The following KIAA1671 variants were observed in gnomAD, a reference collection of about 807,000 sequenced individuals.
KIAA1671 encodes KIAA1671, also known as uncharacterized protein KIAA1671.
KIAA1671 carries 52 observed loss-of-function variants against 131.2 expected under a neutral mutation model. The ratio of observed to expected loss-of-function variants is 0.40; its 90% CI spans 0.32 to 0.50. The LOEUF (loss-of-function observed/expected upper bound fraction) is 0.50, where lower values mean the gene tolerates loss of function less well. KIAA1671 is among the 20% of genes least tolerant of loss of function. The pLI is 0.73. For missense variants in KIAA1671, 2,360 were observed against 2,364.2 expected, an observed-to-expected ratio of 1.00 and a Z score of 0.04; for synonymous variants, 1,003 against 961.6, an observed-to-expected ratio of 1.04 and a Z score of -0.80.
chr22:25,138,275 C>T (rs1932753150), intron 6 of KIAA1671, among the ~76,000 whole-genome samples: 1 of 152,180 alleles, frequency 6.6e-6, no homozygotes, highest in South Asian at 2.1e-4. Flanking sequence ...GGAAGGAGAT[C>T]ATGGCCAACC....
At chr22:25,045,968 T>C (rs1042360587) in intron 5 of KIAA1671, among the ~76,000 whole-genome samples, 2 of 152,032 alleles carry the variant, frequency 1.3e-5, no homozygotes, top group Non-Finnish European at 2.9e-5. Context: ...AGACTCTCAT[T>C]GATGGGTATT....
chr22:25,078,661 A>G (rs1327157691), intron 6 of KIAA1671, among the ~76,000 whole-genome samples: 1 of 152,334 alleles, frequency 6.6e-6, no homozygotes, highest in South Asian at 2.1e-4. Context: ...GTAAGCAATT[A>G]CTGTTACCAG....
In KIAA1671 at chr22:25,041,206, G is replaced by A. The variant is rs761045180; in HGVS notation, c.4076G>A (p.Gly1359Glu). The A allele has an allele frequency of 9.6e-4, 1,483 of 1,551,788 alleles. 1 individual carries two copies. The highest frequency in any genetic ancestry group is 1.2e-3 in the Non-Finnish European group (1,394 of 1,147,018). Residue 1359 changes from glycine to glutamate, a missense_variant, in exon 5 of 13, where the codon GGG (glycine) becomes GAG (glutamate). By Grantham distance (98) the Gly-to-Glu change is moderately conservative. Transcript: ENST00000358431. ...TCTGGTCGGGAGGATCCAGGCAGTGGGGTCAGGGTGTCACCCAAATCGCCC... is the reference window on the plus strand; with the variant it reads ...TCTGGTCGGGAGGATCCAGGCAGTGAGGTCAGGGTGTCACCCAAATCGCCC... ...KPSGREDPGSGVRVSPKSPPT... is the reference protein window; with the variant it reads ...KPSGREDPGSEVRVSPKSPPT...
intron 6 of KIAA1671, among the ~76,000 whole-genome samples, chr22:25,093,759 TCTCTCTCTG>T (rs1930198869): frequency 8.5e-6 from 1 of 117,480 alleles, no homozygotes; most frequent in African/African-American, 3.4e-5. Context: ...TCTCTCTCTC[TCTCTCTCTG>T]TCTCTCTCTC....
chr22:25,170,406 G>T (rs2146012128), intron 6 of KIAA1671, among the ~76,000 whole-genome samples: 1 of 152,302 alleles, frequency 6.6e-6, no homozygotes, highest in South Asian at 2.1e-4. Flanking sequence ...ACACGGTGGT[G>T]GTAGGAACCT....
At chr22:25,113,753 C>G (rs1931511519) in intron 6 of KIAA1671, among the ~76,000 whole-genome samples, 1 of 152,218 alleles carries the variant, frequency 6.6e-6, no homozygotes, top group Non-Finnish European at 1.5e-5. Context: ...TGGCCCAGAA[C>G]AAATTAGTGG....
At chr22:25,046,879 A>G (rs921966492) in intron 5 of KIAA1671, among the ~76,000 whole-genome samples, 2 of 151,948 alleles carry the variant, frequency 1.3e-5, no homozygotes, top group African/African-American at 4.8e-5. Flanking sequence ...TTTGTTAGTT[A>G]TGAAGGCTCC....
Position 24,984,759 on chromosome 22 carries a change from A to G in KIAA1671, c.-208+31987A>G, listed in dbSNP as rs191827796. Among the ~76,000 whole-genome samples the G allele has an allele frequency of 3.5e-4, 53 of 152,068 alleles. 2 individuals carry two copies. Among genetic ancestry groups the G allele is most frequent in the Admixed American group, 3.0e-3 (45 of 15,254 alleles). Reference sequence around the variant, plus strand: ...AAACCCCATCTCTACTAAAAATGCAAAAAAATTAGATGGGCTTGGCGGCAT... The same window carrying G: ...AAACCCCATCTCTACTAAAAATGCAGAAAAATTAGATGGGCTTGGCGGCAT... On this transcript the variant is annotated intron_variant, in intron 1 of 12. Coordinates refer to ENST00000358431, the MANE Select transcript of KIAA1671 (RefSeq NM_001145206.2).
At chr22:25,117,821 C>A (rs1452484470) in intron 6 of KIAA1671, among the ~76,000 whole-genome samples, 3 of 152,062 alleles carry the variant, frequency 2.0e-5, no homozygotes, top group African/African-American at 7.2e-5. Context: ...TCTCACAGTT[C>A]CGGAGTCCAG....
At chr22:25,116,426 T>TAC (rs1568964820) in intron 6 of KIAA1671, among the ~76,000 whole-genome samples, 9 of 126,494 alleles carry the variant, frequency 7.1e-5, no homozygotes, top group African/African-American at 4.0e-4. Context: ...TATGTATGTA[T>TAC]GTATGTACGT....
chr22:25,191,963 A>G (rs4822570), intron 12 of KIAA1671, among the ~76,000 whole-genome samples: 49,651 of 151,978 alleles, frequency 0.33, 8,510 homozygotes, highest in East Asian at 0.47. Context: ...ATATGTATAT[A>G]TATACATATG....
At chr22:25,044,846 A>G (rs1569215241) in intron 5 of KIAA1671, among the ~76,000 whole-genome samples, 2 of 152,312 alleles carry the variant, frequency 1.3e-5, no homozygotes, top group East Asian at 3.9e-4. Flanking sequence ...ATATTGCAAC[A>G]GTAGCGAATG....
chr22:25,120,781 GTTTTGTATGTCTTTATGACAC>G (rs1047240621), intron 6 of KIAA1671, among the ~76,000 whole-genome samples: 15 of 152,132 alleles, frequency 9.9e-5, no homozygotes, highest in African/African-American at 3.6e-4. Context: ...AAATGTGAAA[GTTTTGTATGTCTTTATGACAC>G]TTTTAATGCC....
chr22:25,074,827 C>G (rs1000357069), intron 6 of KIAA1671, among the ~76,000 whole-genome samples: 1 of 152,140 alleles, frequency 6.6e-6, no homozygotes, highest in African/African-American at 2.4e-5. Flanking sequence ...TGTGAAGATG[C>G]TACATTGGAG....
intron 1 of KIAA1671, chr22:25,010,351 T>C (rs561947020): frequency 6.6e-6 from 1 of 152,034 alleles, no homozygotes; most frequent in Non-Finnish European, 1.5e-5. Flanking sequence ...CAGCTAATTT[T>C]TTGTATTTTT....
intron 1 of KIAA1671, among the ~76,000 whole-genome samples, chr22:25,020,901 C>T (rs1401866755): frequency 1.3e-5 from 2 of 152,010 alleles, no homozygotes; most frequent in Non-Finnish European, 2.9e-5. Flanking sequence ...TGTAGGGCCT[C>T]GGGGAAGAAG....
chr22:25,127,663 G>A (rs1024957140), intron 6 of KIAA1671, among the ~76,000 whole-genome samples: 1 of 152,194 alleles, frequency 6.6e-6, no homozygotes, highest in Non-Finnish European at 1.5e-5. Context: ...TTAAGTAGGA[G>A]GCATTCCTAT....
intron 11 of KIAA1671, among the ~76,000 whole-genome samples, chr22:25,189,916 T>G (rs1934613945): frequency 6.6e-6 from 1 of 152,152 alleles, no homozygotes. Context: ...CCAACCAAGA[T>G]AAATTTTTAT....
At chr22:25,164,183 C>A (rs1192535680) in intron 6 of KIAA1671, among the ~76,000 whole-genome samples, 1 of 152,168 alleles carries the variant, frequency 6.6e-6, no homozygotes, top group African/African-American at 2.4e-5. Flanking sequence ...TTCTGAGAGC[C>A]TCCTGATGCA....
Sources: allele counts gnomAD v4.1 joint callset (sites outside exome capture counted in the v4.1 genomes callset), GRCh38; gene constraint gnomAD v4.1.1; transcripts MANE v1.5; gene names NCBI Gene and HGNC (gene_info 2026-07-23, HGNC 2026-07-21).